The following SLC29A3 variants were observed in gnomAD, a reference collection of about 807,000 sequenced individuals.
SLC29A3 encodes the protein solute carrier family 29 member 3.
A neutral mutation model predicts 25.4 loss-of-function variants in SLC29A3; 18 were observed. That is an observed-to-expected ratio of 0.71 (90% CI 0.49 to 1.05). SLC29A3 has a LOEUF of 1.05. SLC29A3 is among the 50% of genes least tolerant of loss of function. The pLI is 0.00. For missense variants in SLC29A3, 586 were observed against 609.0 expected (o/e 0.96, Z 0.40); for synonymous variants, 258 against 267.1 (o/e 0.97, Z 0.33).
In SLC29A3 at chr10:71,338,351, A is replaced by G. The variant is rs534216732; in HGVS notation, c.301-5858A>G. Among the ~76,000 whole-genome samples, 15 of 152,282 alleles carry G rather than the reference A, an allele frequency of 9.9e-5. No individual in the cohort carries two copies. The South Asian group carries it at 2.9e-3, about 29-fold the overall frequency. ...CTTTTCTTTTCTTTTTAAAACTACG[A>G]AGACCCATAGGCCTCTGGAAATGCT... On this transcript the variant is annotated intron_variant, in intron 2 of 5. Coordinates refer to ENST00000373189, the MANE Select transcript of SLC29A3 (RefSeq NM_018344.6).
intron 2 of SLC29A3, among the ~76,000 whole-genome samples, chr10:71,323,421 A>C (rs1258357458): frequency 1.3e-5 from 2 of 152,264 alleles, no homozygotes; most frequent in African/African-American, 4.8e-5. Context: ...CAGTTGCTTC[A>C]CTTCTGTGCA....
At chr10:71,324,323 G>T (rs1845918297) in intron 2 of SLC29A3, among the ~76,000 whole-genome samples, 1 of 152,168 alleles carries the variant, frequency 6.6e-6, no homozygotes, top group African/African-American at 2.4e-5. Flanking sequence ...CAGTATTTGT[G>T]AGTTGTGAAA....
At chr10:71,349,632 T>C (rs1370591048) in intron 3 of SLC29A3, among the ~76,000 whole-genome samples, 2 of 151,878 alleles carry the variant, frequency 1.3e-5, no homozygotes, top group Non-Finnish European at 2.9e-5. Flanking sequence ...GAAGGAATGT[T>C]CTCCCAGGGA....
Position 71,319,294 on chromosome 10 carries a change from G to A in SLC29A3, c.-16G>A. 4.7e-6 allele frequency: 3 copies of A among 638,146 alleles called. No homozygotes were observed. Among genetic ancestry groups the A allele is most frequent in the Non-Finnish European group, 8.4e-6 (3 of 355,560 alleles). 39.5% of individuals were successfully genotyped at this position (638,146 alleles called of 1,614,324 possible). A position where few individuals can be genotyped will look rare whatever the true frequency, so the allele number is the denominator to read the frequency against. Reference sequence around the variant, plus strand: ...GCCGTGCGCCGGAGGCAGCGGCGGCGTGGCGCAGCGGCGACAGTAAGTGCG... The same window carrying A: ...GCCGTGCGCCGGAGGCAGCGGCGGCATGGCGCAGCGGCGACAGTAAGTGCG... On this transcript the variant is annotated 5_prime_UTR_variant, in exon 1 of 6. It adds an upstream start codon to the 5' untranslated region. Coordinates refer to ENST00000373189, the MANE Select transcript of SLC29A3 (RefSeq NM_018344.6).
chr10:71,372,067 A>G (rs921800446), intron 3 of SLC29A3, among the ~76,000 whole-genome samples: 1 of 152,204 alleles, frequency 6.6e-6, no homozygotes, highest in Non-Finnish European at 1.5e-5. Flanking sequence ...CTGGTTAAGT[A>G]GTGAGAACCA....
At chr10:71,371,968 A>G (rs1477894596) in intron 3 of SLC29A3, among the ~76,000 whole-genome samples, 1 of 152,206 alleles carries the variant, frequency 6.6e-6, no homozygotes, top group Admixed American at 6.5e-5. Flanking sequence ...AAATCATTGC[A>G]AAGAGGAAGT....
At chr10:71,355,996 T>A in intron 4 of SLC29A3, 85 bp from the exon 5 acceptor site, 1 of 1,523,892 alleles carries the variant, frequency 6.6e-7, no homozygotes, top group Non-Finnish European at 9.0e-7. Flanking sequence ...TTATTTTGGT[T>A]TGTGAAACCC....
At position 71,358,282 on chromosome 10, in the gene SLC29A3, C is replaced by T. The variant is rs553420952; in HGVS notation, c.773+2039C>T. 2.0e-5 allele frequency among the ~76,000 whole-genome samples: 3 copies of T among 152,312 alleles called. No homozygotes were observed. In the East Asian group the frequency reaches 5.8e-4, roughly 29 times the overall value. ...TCACTTCGTTAACCCCTAGAACCCCCAGCCTTTCAGCAGAACAGCGATTCC... is the reference window on the plus strand; with the variant it reads ...TCACTTCGTTAACCCCTAGAACCCCTAGCCTTTCAGCAGAACAGCGATTCC... On this transcript the variant is annotated intron_variant, in intron 5 of 5. Coordinates refer to ENST00000373189, the MANE Select transcript of SLC29A3 (RefSeq NM_018344.6).
rs971428655 is a variant in SLC29A3, at chr10:71,362,765, A to G, written c.*157A>G. ...ATCCCTCCCAAGATGCCAGTGAGCC[A>G]CGTCCATGCCCATTCCGTGCAAGGC... On this transcript the variant is annotated 3_prime_UTR_variant, in exon 6 of 6. Transcript: ENST00000373189. The G allele has an allele frequency of 1.1e-6, 1 of 883,440 alleles. No individual in the cohort carries two copies. Among genetic ancestry groups the G allele is most frequent in the East Asian group, 2.6e-5 (1 of 38,872 alleles). 54.7% of individuals were successfully genotyped at this position (883,440 alleles called of 1,614,324 possible).
At chr10:71,366,589 G>A (rs188826294), downstream of SLC29A3, among the ~76,000 whole-genome samples, 5 of 152,216 alleles carry the variant, frequency 3.3e-5, no homozygotes, top group East Asian at 9.7e-4. Flanking sequence ...AGGAGCTGGG[G>A]GAAACTTCAA....
intron 2 of SLC29A3, among the ~76,000 whole-genome samples, chr10:71,332,600 T>G: frequency 6.6e-6 from 1 of 152,226 alleles, no homozygotes; most frequent in East Asian, 1.9e-4. Flanking sequence ...TCAGGCAGCA[T>G]GGGCTTCAGG....
At chr10:71,378,400 G>A (rs1847277742) in intron 4 of SLC29A3, among the ~76,000 whole-genome samples, 2 of 152,152 alleles carry the variant, frequency 1.3e-5, no homozygotes, top group African/African-American at 2.4e-5. Context: ...GGCTTTTCTG[G>A]CCATAGGAGC....
chr10:71,340,924 G>A (rs977947566), intron 2 of SLC29A3, among the ~76,000 whole-genome samples: 1 of 152,180 alleles, frequency 6.6e-6, no homozygotes, highest in African/African-American at 2.4e-5. Context: ...AAGTAGGGCT[G>A]GGACACAGAG....
At chr10:71,363,808 C>CTTTTTTT (rs71012277), downstream of SLC29A3, among the ~76,000 whole-genome samples, 112 of 103,704 alleles carry the variant, frequency 1.1e-3, 11 homozygotes, top group Admixed American at 1.6e-3. Flanking sequence ...TTTCCTTTTT[C>CTTTTTTT]TTTTCTTTTT....
At chr10:71,341,442 C>CTAA in intron 2 of SLC29A3, among the ~76,000 whole-genome samples, 1 of 152,182 alleles carries the variant, frequency 6.6e-6, no homozygotes, top group East Asian at 1.9e-4. Flanking sequence ...GACTGGTGTG[C>CTAA]TAACCCTCTG....
At chr10:71,319,406 C>T in intron 1 of SLC29A3, 96 bp downstream of exon 1, 2 of 537,466 alleles carry the variant, frequency 3.7e-6, no homozygotes, top group South Asian at 2.3e-5. Context: ...GGGGCGGCTG[C>T]GGGCTGCCAG....
intron 3 of SLC29A3, 89 bp from the exon 4 acceptor site, chr10:71,351,473 C>G: frequency 1.7e-6 from 2 of 1,151,938 alleles, no homozygotes; most frequent in Non-Finnish European, 2.6e-6. Context: ...CTGCTAAGCT[C>G]GCCTGCTTCC....
At chr10:71,330,023 T>A (rs77879151) in intron 2 of SLC29A3, among the ~76,000 whole-genome samples, 1,562 of 152,254 alleles carry the variant, frequency 0.01, 21 homozygotes, top group African/African-American at 0.033. Context: ...CCTACAAATG[T>A]AGGTGGTTGG....
At chr10:71,369,326 T>C (rs1847193673) in intron 3 of SLC29A3, among the ~76,000 whole-genome samples, 1 of 152,234 alleles carries the variant, frequency 6.6e-6, no homozygotes, top group African/African-American at 2.4e-5. Flanking sequence ...CTGAACTGTG[T>C]TTGTGTTCTA....
Sources: allele counts gnomAD v4.1 joint callset (sites outside exome capture counted in the v4.1 genomes callset), GRCh38; gene constraint gnomAD v4.1.1; transcripts MANE v1.5; gene names NCBI Gene and HGNC (gene_info 2026-07-23, HGNC 2026-07-21).